Variants in FHOD3 observed in about 807,000 individuals in gnomAD.
The protein encoded by FHOD3 is formin homology 2 domain containing 3.
Under a neutral mutation model 173.0 loss-of-function variants are expected in FHOD3, and 90 were observed. The observed-to-expected ratio is 0.52, with a 90% confidence interval of 0.44 to 0.62. FHOD3 has a LOEUF of 0.62. Ranked by LOEUF, FHOD3 falls within the 20% of genes least tolerant of loss-of-function variation. The pLI is 0.00. For missense variants in FHOD3, 1,945 were observed against 2,034.7 expected (o/e 0.96, Z 0.85); for synonymous variants, 828 against 823.0 (o/e 1.01, Z -0.10).
At chr18:36,619,009 A>C (rs1267837203) in intron 9 of FHOD3, among the ~76,000 whole-genome samples, 4 of 152,178 alleles carry the variant, frequency 2.6e-5, no homozygotes, top group African/African-American at 9.7e-5. Context: ...TGAAGTCAGC[A>C]GCCTTGGGGG....
At chr18:36,652,320 G>A (rs759265802) in intron 11 of FHOD3, among the ~76,000 whole-genome samples, 7 of 152,218 alleles carry the variant, frequency 4.6e-5, no homozygotes, top group Non-Finnish European at 1.0e-4. Flanking sequence ...TTTGGCCTGA[G>A]AGCCACCTCC....
chr18:36,719,896 A>T (rs2040665499), intron 19 of FHOD3, among the ~76,000 whole-genome samples: 1 of 152,132 alleles, frequency 6.6e-6, no homozygotes, highest in African/African-American at 2.4e-5. Flanking sequence ...ATGTGCTGGG[A>T]TTCTTAAGCT....
intron 1 of FHOD3, among the ~76,000 whole-genome samples, chr18:36,336,394 G>GT (rs1033705005): frequency 3.9e-5 from 6 of 152,154 alleles, no homozygotes; most frequent in Admixed American, 2.0e-4. Flanking sequence ...TAGCTGTAGA[G>GT]TATCTCTAGA....
At chr18:36,712,939 A>G (rs749109722) in intron 18 of FHOD3, among the ~76,000 whole-genome samples, 1 of 152,172 alleles carries the variant, frequency 6.6e-6, no homozygotes, top group Admixed American at 6.5e-5. Flanking sequence ...ATCTGAAACC[A>G]TGGAGGCTAG....
At chr18:36,581,964 A>G (rs184976334) in intron 6 of FHOD3, among the ~76,000 whole-genome samples, 27 of 152,312 alleles carry the variant, frequency 1.8e-4, no homozygotes, top group Admixed American at 5.2e-4. Flanking sequence ...ATGAAAAAAT[A>G]GAGACATTTT....
chr18:36,569,744 T>A (rs1487408844), intron 5 of FHOD3, among the ~76,000 whole-genome samples: 1 of 152,122 alleles, frequency 6.6e-6, no homozygotes, highest in Non-Finnish European at 1.5e-5. Flanking sequence ...CTGACTGGAA[T>A]AAAATTAAAC....
At chr18:36,496,875 C>A (rs1048415582) in intron 3 of FHOD3, among the ~76,000 whole-genome samples, 1 of 152,136 alleles carries the variant, frequency 6.6e-6, no homozygotes, top group Non-Finnish European at 1.5e-5. Context: ...GTAACAGATG[C>A]CACATGGTGG....
At chr18:36,562,736 A>T (rs1410956342) in intron 5 of FHOD3, among the ~76,000 whole-genome samples, 1 of 152,208 alleles carries the variant, frequency 6.6e-6, no homozygotes, top group Non-Finnish European at 1.5e-5. Flanking sequence ...TAACTCAAGC[A>T]CAGCCTTTAA....
chr18:36,433,267 G>C (rs2050647418), intron 3 of FHOD3, among the ~76,000 whole-genome samples: 1 of 152,076 alleles, frequency 6.6e-6, no homozygotes, highest in Non-Finnish European at 1.5e-5. Flanking sequence ...GGGAGTCTTG[G>C]GGGGCATTTT....
At chr18:36,442,863 T>C (rs1309601279) in intron 3 of FHOD3, among the ~76,000 whole-genome samples, 9 of 152,236 alleles carry the variant, frequency 5.9e-5, no homozygotes, top group Non-Finnish European at 1.3e-4. Context: ...TTTGTTTCAG[T>C]TGTCACGTCT....
chr18:36,624,401 C>T (rs891380601), intron 9 of FHOD3, among the ~76,000 whole-genome samples: 1 of 152,094 alleles, frequency 6.6e-6, no homozygotes, highest in Non-Finnish European at 1.5e-5. Context: ...TAGTTGACAC[C>T]AAAACTTGTA....
intron 19 of FHOD3, among the ~76,000 whole-genome samples, chr18:36,727,854 G>T (rs1414116674): frequency 1.3e-5 from 2 of 152,200 alleles, no homozygotes; most frequent in African/African-American, 4.8e-5. Flanking sequence ...TGATGGCAAG[G>T]GGCTTCATTT....
chr18:36,313,193 A>G (rs2092296610), intron 1 of FHOD3, among the ~76,000 whole-genome samples: 1 of 152,204 alleles, frequency 6.6e-6, no homozygotes, highest in Non-Finnish European at 1.5e-5. Flanking sequence ...TCTACTTGTT[A>G]GAAGTGAATC....
In FHOD3 at chr18:36,392,061, G is replaced by T. The variant is rs117554761; in HGVS notation, c.337+19317G>T. ...TGGCACTGGACCCTGGTGTAGCGGG[G>T]TGGACTTTGGAGCTGGCCCTCCTGG... is the stretch of plus-strand genomic sequence containing the variant. On this transcript the variant is annotated intron_variant, in intron 3 of 28. Coordinates refer to ENST00000590592, the MANE Select transcript of FHOD3 (RefSeq NM_001281740.3). 9.7e-3 allele frequency among the ~76,000 whole-genome samples: 1,479 copies of T among 152,316 alleles called. 12 individuals are homozygous for T. Among genetic ancestry groups the T allele is most frequent in the Non-Finnish European group, 0.017 (1,129 of 68,016 alleles).
chr18:36,524,916 A>G (rs1393551922), intron 5 of FHOD3, among the ~76,000 whole-genome samples: 2 of 152,156 alleles, frequency 1.3e-5, no homozygotes, highest in African/African-American at 2.4e-5. Flanking sequence ...GGTAGCAGAG[A>G]ACAATGCAAA....
rs551610601 is a variant in FHOD3 at position 36,625,738 on chromosome 18, T to C, written c.1185T>C (p.Asp395=). The C allele has an allele frequency of 1.2e-6, 2 of 1,607,760 alleles. No individual in the cohort carries two copies. The highest frequency in any genetic ancestry group is 1.1e-5 in the South Asian group (1 of 90,328). The change falls in exon 10 of 29, where the codon GAT becomes GAC. Residue 395 remains aspartate, a synonymous_variant. Transcript: ENST00000590592. The part of the protein sequence containing the change: ...APSFKPNQVR[D]LREKEEEEEE... Reference sequence around the variant, plus strand: ...GCTTCAAGCCCAACCAAGTGCGAGATCTGCGTGAAAAGTAAGCATTAACTT... The same window carrying C: ...GCTTCAAGCCCAACCAAGTGCGAGACCTGCGTGAAAAGTAAGCATTAACTT...
chr18:36,420,309 A>G (rs547286052), intron 3 of FHOD3, among the ~76,000 whole-genome samples: 1 of 152,332 alleles, frequency 6.6e-6, no homozygotes, highest in Non-Finnish European at 1.5e-5. Flanking sequence ...ATGTGGGCCA[A>G]AACTTACAAC....
At chr18:36,541,023 G>A (rs1421674252) in intron 5 of FHOD3, among the ~76,000 whole-genome samples, 2 of 151,994 alleles carry the variant, frequency 1.3e-5, no homozygotes, top group Non-Finnish European at 2.9e-5. Context: ...GGCCGAGGCA[G>A]GCGTATCACC....
chr18:36,593,756 A>C (rs1236295100), intron 6 of FHOD3, among the ~76,000 whole-genome samples: 1 of 152,196 alleles, frequency 6.6e-6, no homozygotes, highest in Admixed American at 6.5e-5. Context: ...AACACCTTCC[A>C]GCTCCCTCTG....
Sources: gnomAD v4.1 joint callset for allele counts (sites outside exome capture counted in the v4.1 genomes callset) on GRCh38, gnomAD v4.1.1 for gene constraint, MANE v1.5 for transcripts, NCBI Gene and HGNC (gene_info 2026-07-23, HGNC 2026-07-21) for gene names.